NTM: variants seen among roughly 807,000 people sequenced by gnomAD.
NTM encodes IgLON family member 2.
In NTM, 13 loss-of-function variants were observed where a neutral mutation model predicts 42.1. The observed-to-expected ratio is 0.31, with a 90% CI of 0.20 to 0.49. NTM has a LOEUF of 0.49. Ranked by LOEUF, NTM falls within the 20% of genes least tolerant of loss-of-function variation. The pLI, the probability that NTM is intolerant of heterozygous loss-of-function variation, is 0.99. For missense variants in NTM, 373 were observed against 452.8 expected, an observed-to-expected ratio of 0.82 and a Z score of 1.60; for synonymous variants, 187 against 179.2, an observed-to-expected ratio of 1.04 and a Z score of -0.35.
chr11:132,299,297 AAAAAC>A (rs201038709), intron 4 of NTM, among the ~76,000 whole-genome samples: 2,119 of 152,258 alleles, frequency 0.014, 50 homozygotes, highest in African/African-American at 0.046. Flanking sequence ...TCTGTCTCAA[AAAAAC>A]AAAACAAAAC....
At chr11:131,425,063 G>A (rs1006728358) in intron 1 of NTM, among the ~76,000 whole-genome samples, 1 of 151,250 alleles carries the variant, frequency 6.6e-6, no homozygotes, top group African/African-American at 2.4e-5. Flanking sequence ...TGTATTTTTA[G>A]TGGAGACAGG....
intron 2 of NTM, among the ~76,000 whole-genome samples, chr11:132,103,827 G>C (rs1041424771): frequency 2.0e-5 from 3 of 152,178 alleles, no homozygotes; most frequent in Non-Finnish European, 4.4e-5. Flanking sequence ...AAATGACGTG[G>C]TGCAGATGAA....
intron 1 of NTM, among the ~76,000 whole-genome samples, chr11:131,882,285 C>T (rs765542184): frequency 6.6e-6 from 1 of 152,160 alleles, no homozygotes; most frequent in Non-Finnish European, 1.5e-5. Context: ...ACAAGATGGG[C>T]CAACGGGGAA....
intron 1 of NTM, among the ~76,000 whole-genome samples, chr11:131,752,282 G>A (rs1177747134): frequency 6.6e-6 from 1 of 152,120 alleles, no homozygotes; most frequent in African/African-American, 2.4e-5. Flanking sequence ...AAAGACACAT[G>A]AAAAAATGCT....
intron 1 of NTM, among the ~76,000 whole-genome samples, chr11:131,727,686 G>T (rs1258069856): frequency 6.6e-6 from 1 of 152,190 alleles, no homozygotes; most frequent in Admixed American, 6.5e-5. Context: ...AACCAGGAAA[G>T]TCAGTCCCAG....
chr11:131,880,009 A>G (rs2049211890), intron 1 of NTM, among the ~76,000 whole-genome samples: 1 of 152,230 alleles, frequency 6.6e-6, no homozygotes, highest in Non-Finnish European at 1.5e-5. Flanking sequence ...TACTGCATAG[A>G]GCCATAGTGG....
intron 1 of NTM, among the ~76,000 whole-genome samples, chr11:131,476,754 C>T (rs1952979642): frequency 6.6e-6 from 1 of 151,456 alleles, no homozygotes; most frequent in Non-Finnish European, 1.5e-5. Flanking sequence ...CCACACTTCC[C>T]CTGCCCACCC....
chr11:131,840,741 G>A (rs536320097), intron 1 of NTM, among the ~76,000 whole-genome samples: 4 of 152,314 alleles, frequency 2.6e-5, no homozygotes, highest in South Asian at 2.1e-4. Flanking sequence ...GAACAAAGCC[G>A]TGTCTTCCAT....
intron 2 of NTM, among the ~76,000 whole-genome samples, chr11:132,038,572 A>G (rs2076789035): frequency 6.6e-6 from 1 of 152,028 alleles, no homozygotes; most frequent in South Asian, 2.1e-4. Flanking sequence ...TAGAGGATTA[A>G]GTGAGCAAGT....
chr11:131,620,451 G>C (rs1169210644), intron 1 of NTM, among the ~76,000 whole-genome samples: 1 of 152,104 alleles, frequency 6.6e-6, no homozygotes, highest in African/African-American at 2.4e-5. Context: ...ATTCCATGTA[G>C]AAAACAATTC....
At chr11:131,432,168 T>A (rs1948708242) in intron 1 of NTM, among the ~76,000 whole-genome samples, 1 of 152,112 alleles carries the variant, frequency 6.6e-6, no homozygotes, top group African/African-American at 2.4e-5. Flanking sequence ...CATTCCTCCT[T>A]AAGAAGAGAA....
chr11:131,814,945 G>A (rs990909655), intron 1 of NTM, among the ~76,000 whole-genome samples: 1 of 152,110 alleles, frequency 6.6e-6, no homozygotes, highest in Non-Finnish European at 1.5e-5. Context: ...TCCCAGCTCT[G>A]CTGCCAGCTT....
At chr11:131,946,727 A>G (rs2060386507) in intron 2 of NTM, among the ~76,000 whole-genome samples, 1 of 152,236 alleles carries the variant, frequency 6.6e-6, no homozygotes, top group Non-Finnish European at 1.5e-5. Context: ...TACAGATAGT[A>G]TATCAACAAT....
intron 4 of NTM, among the ~76,000 whole-genome samples, chr11:132,267,573 T>C (rs1048652405): frequency 3.3e-5 from 5 of 151,472 alleles, no homozygotes; most frequent in African/African-American, 1.2e-4. Flanking sequence ...CCCAACACTT[T>C]GGGAGGCCGA....
At chr11:132,227,949 A>G (rs764348456) in intron 4 of NTM, among the ~76,000 whole-genome samples, 2 of 152,300 alleles carry the variant, frequency 1.3e-5, no homozygotes, top group Non-Finnish European at 2.9e-5. Flanking sequence ...GGACCAAGGC[A>G]GAAGTTCTCA....
chr11:131,438,864 C>T (rs1949365779), intron 1 of NTM, among the ~76,000 whole-genome samples: 2 of 152,190 alleles, frequency 1.3e-5, no homozygotes, highest in South Asian at 4.1e-4. Context: ...AGAAGAGACG[C>T]TCTGGTTTTT....
chr11:131,476,010 TGGAA>T (rs987417807), intron 1 of NTM, among the ~76,000 whole-genome samples: 4 of 150,970 alleles, frequency 2.6e-5, no homozygotes, highest in African/African-American at 9.8e-5. Flanking sequence ...TAAATATTTG[TGGAA>T]GGAAGGAAGG....
At chr11:132,329,130 T>G (rs930907373) in intron 7 of NTM, among the ~76,000 whole-genome samples, 2 of 152,278 alleles carry the variant, frequency 1.3e-5, no homozygotes, top group Non-Finnish European at 2.9e-5. Context: ...AGCAAATGTT[T>G]TAGTTGCTTT....
At chr11:132,249,272 T>C (rs1249480901) in intron 4 of NTM, among the ~76,000 whole-genome samples, 1 of 152,034 alleles carries the variant, frequency 6.6e-6, no homozygotes, top group African/African-American at 2.4e-5. Context: ...GTGTGTGTGA[T>C]GAGAGGGTGT....
Sources: gnomAD v4.1 joint callset for allele counts (sites outside exome capture counted in the v4.1 genomes callset) on GRCh38, gnomAD v4.1.1 for gene constraint, MANE v1.5 for transcripts, NCBI Gene and HGNC (gene_info 2026-07-23, HGNC 2026-07-21) for gene names.